Variants in GPR89A observed in about 807,000 individuals in gnomAD.
GPR89A encodes G protein-coupled receptor 89A.
A neutral mutation model predicts 52.0 loss-of-function variants in GPR89A; 16 were observed. That is an observed-to-expected ratio of 0.31 (90% confidence interval 0.21 to 0.47). The LOEUF (loss-of-function observed/expected upper bound fraction) is 0.47. Among genes scored for constraint, GPR89A ranks in the 20% least tolerant of loss-of-function variants. GPR89A has a pLI of 1.00. For synonymous variants in GPR89A, 55 were observed against 150.9 expected (o/e 0.36, Z 4.66); for missense variants, 135 against 449.4 (o/e 0.30, Z 6.33).
chr1:145,646,164 T>C lies in GPR89A; in HGVS notation c.728-20T>C. The C allele has an allele frequency of 6.2e-7, 1 of 1,613,634 alleles. No homozygotes were observed. Among genetic ancestry groups the C allele is most frequent in the Non-Finnish European group, 8.5e-7 (1 of 1,179,628 alleles). ...TTGAATTCCTATGTGATTAAAACCT[T>C]GATGCCCATTCTGTGCCAGATCTTA... On this transcript the variant is annotated intron_variant, in intron 8 of 13. Transcript: ENST00000313835.
intron 1 of GPR89A, among the ~76,000 whole-genome samples, chr1:145,612,941 C>G (rs1302679421): frequency 1.3e-5 from 2 of 152,158 alleles, no homozygotes; most frequent in East Asian, 1.9e-4. Context: ...GTTCCTGCCT[C>G]TACCTCACTA....
intron 10 of GPR89A, among the ~76,000 whole-genome samples, chr1:145,661,886 TC>T (rs1652227161): frequency 4.0e-5 from 6 of 151,102 alleles, no homozygotes; most frequent in Non-Finnish European, 7.4e-5. Context: ...TTTGATTTCT[TC>T]TTTGATTCAT....
intron 3 of GPR89A, among the ~76,000 whole-genome samples, chr1:145,619,413 G>A (rs140231546): frequency 8.7e-5 from 13 of 150,094 alleles, no homozygotes; most frequent in East Asian, 2.0e-4. Context: ...GGTTCAAGAC[G>A]AGCCTGGGCA....
rs1553685302 is a variant in GPR89A at position 145,608,192 on chromosome 1, C to T, written c.42+17C>T. On this transcript the variant is annotated intron_variant, in intron 1 of 13. Coordinates refer to ENST00000313835, the MANE Select transcript of GPR89A (RefSeq NM_001097612.2). ...ACCTCCCAGGTGAGTCACCGCCTCC[C>T]GCCCCGACACCCGTCCGCCTCCCTT... 6.2e-7 allele frequency: 1 copy of T among 1,613,872 alleles called. No homozygotes were observed. The highest frequency in any genetic ancestry group is 8.5e-7 in the Non-Finnish European group (1 of 1,179,836).
chr1:145,658,756 T>C (rs1341208851), intron 10 of GPR89A, among the ~76,000 whole-genome samples: 1 of 151,818 alleles, frequency 6.6e-6, no homozygotes, highest in African/African-American at 2.4e-5. Flanking sequence ...TCAATAATGC[T>C]GATGTGAACA....
In GPR89A at chr1:145,632,508, T is replaced by A. The variant is rs587623111; in HGVS notation, c.617+764T>A. 6.8e-4 allele frequency among the ~76,000 whole-genome samples: 104 copies of A among 152,294 alleles called. 3 individuals are homozygous for A. The highest frequency in any genetic ancestry group is 2.4e-3 in the African/African-American group (100 of 41,554). On this transcript the variant is annotated intron_variant, in intron 7 of 13. Transcript: ENST00000313835. ...AGTGAGAACATGCAGTATTTGTCTT[T>A]CTGTGTCCAACTCATTTTGCTAGCA...
chr1:145,646,002 A>G (rs1650959145), intron 8 of GPR89A, 182 bp from the exon 9 acceptor site: 1 of 735,366 alleles, frequency 1.4e-6, no homozygotes, highest in Non-Finnish European at 2.3e-6. Flanking sequence ...AGAAGCTTTT[A>G]CACACCTGCG....
At chr1:145,657,351 G>A (rs1348887097) in intron 10 of GPR89A, among the ~76,000 whole-genome samples, 11 of 147,554 alleles carry the variant, frequency 7.5e-5, no homozygotes, top group Admixed American at 1.4e-4. Context: ...TTATCACACC[G>A]CTGCACTCCA....
intron 8 of GPR89A, chr1:145,645,806 A>C: frequency 2.7e-6 from 1 of 377,244 alleles, no homozygotes. Flanking sequence ...CTTTTCTAAC[A>C]TTATATTCAG....
At chr1:145,655,352 G>A (rs1651743204) in intron 10 of GPR89A, among the ~76,000 whole-genome samples, 1 of 151,438 alleles carries the variant, frequency 6.6e-6, no homozygotes, top group South Asian at 2.1e-4. Flanking sequence ...TGCTGGAGAG[G>A]TGTTGTGATC....
chr1:145,668,255 G>T (rs1652713698), intron 12 of GPR89A, among the ~76,000 whole-genome samples: 2 of 152,104 alleles, frequency 1.3e-5, no homozygotes, highest in African/African-American at 4.8e-5. Context: ...GTTGAGCAGT[G>T]GTTTGTAGTT....
intron 3 of GPR89A, among the ~76,000 whole-genome samples, chr1:145,619,544 T>C (rs184921052): frequency 2.6e-3 from 390 of 151,782 alleles, no homozygotes; most frequent in Admixed American, 5.0e-3. Context: ...CCCAGGAGTT[T>C]GAGGATATGC....
chr1:145,609,266 C>T (rs1385360839), intron 1 of GPR89A, among the ~76,000 whole-genome samples: 1 of 152,260 alleles, frequency 6.6e-6, no homozygotes, highest in East Asian at 1.9e-4. Flanking sequence ...ATTGCTTCAT[C>T]CTAATACTCG....
chr1:145,645,579 A>C, intron 8 of GPR89A: 2 of 454,018 alleles, frequency 4.4e-6, no homozygotes, highest in South Asian at 3.1e-5. Flanking sequence ...TTGGAGGAAA[A>C]GAGGATTTGA....
At chr1:145,639,518 A>G (rs1650484703) in intron 7 of GPR89A, among the ~76,000 whole-genome samples, 1 of 151,410 alleles carries the variant, frequency 6.6e-6, no homozygotes, top group Admixed American at 6.6e-5. Flanking sequence ...AGGCTGAGGC[A>G]GGTAGATCAC....
At chr1:145,617,524 T>C (rs1440694271) in intron 2 of GPR89A, among the ~76,000 whole-genome samples, 3 of 152,090 alleles carry the variant, frequency 2.0e-5, no homozygotes, top group Non-Finnish European at 4.4e-5. Context: ...ATTTAAAAAG[T>C]ATTAATTTGG....
At chr1:145,608,301 C>T in intron 1 of GPR89A, 126 bp downstream of exon 1, 1 of 1,356,360 alleles carries the variant, frequency 7.4e-7, no homozygotes, top group Non-Finnish European at 1.0e-6. Context: ...GCTAGTCACT[C>T]TGGCACCCAG....
rs67899431 is a variant in GPR89A at position 145,634,081 on chromosome 1, G to GTTTT, written c.617+2350_617+2353dup. Among the ~76,000 whole-genome samples, 9 of 146,196 alleles carry GTTTT rather than the reference G, an allele frequency of 6.2e-5. 1 individual carries two copies. The highest frequency in any genetic ancestry group is 1.0e-4 in the Non-Finnish European group (7 of 66,672). ...CAAAGAATGGAATATTGTCTATTGT[G>GTTTT]TTTTTTTTTTTTTTTTAAGACGGAG... On this transcript the variant is annotated intron_variant, in intron 7 of 13. Coordinates refer to ENST00000313835, the MANE Select transcript of GPR89A (RefSeq NM_001097612.2).
intron 1 of GPR89A, among the ~76,000 whole-genome samples, chr1:145,609,123 A>C (rs1264313931): frequency 1.3e-5 from 2 of 152,102 alleles, no homozygotes; most frequent in Admixed American, 1.3e-4. Flanking sequence ...TCTTCCCCCC[A>C]TCTTTCCAAT....
Sources: gnomAD v4.1 joint callset for allele counts (sites outside exome capture counted in the v4.1 genomes callset) on GRCh38, gnomAD v4.1.1 for gene constraint, MANE v1.5 for transcripts, NCBI Gene and HGNC (gene_info 2026-07-23, HGNC 2026-07-21) for gene names.